Variants in LIMK2 observed in about 807,000 individuals in gnomAD.
The protein encoded by LIMK2 is LIM domain kinase 2.
A neutral mutation model predicts 75.7 loss-of-function variants in LIMK2; 35 were observed. That is an observed-to-expected ratio of 0.46 (90% CI 0.35 to 0.61). LIMK2 has a LOEUF of 0.61. Ranked by LOEUF, LIMK2 falls within the 20% of genes least tolerant of loss-of-function variation. The probability of loss-of-function intolerance (pLI) is 0.00; values close to 1 mark genes in which losing one functional copy is unlikely to be tolerated. For missense variants in LIMK2, 623 were observed against 831.0 expected, an observed-to-expected ratio of 0.75 and a Z score of 3.08; for synonymous variants, 301 against 319.2, an observed-to-expected ratio of 0.94 and a Z score of 0.61.
At chr22:31,215,292 C>G (rs1431716118) in intron 1 of LIMK2, among the ~76,000 whole-genome samples, 1 of 152,214 alleles carries the variant, frequency 6.6e-6, no homozygotes, top group East Asian at 1.9e-4. Flanking sequence ...ACTTGTTATT[C>G]CATTCAAACC....
intron 2 of LIMK2, among the ~76,000 whole-genome samples, chr22:31,249,520 C>G (rs755791095): frequency 6.6e-6 from 1 of 152,166 alleles, no homozygotes; most frequent in Admixed American, 6.5e-5. Context: ...CTCATTGCCC[C>G]ACTCCACCTC....
chr22:31,225,669 C>G (rs772030298), intron 1 of LIMK2, 51 bp from the exon 2 acceptor site: 122 of 1,357,140 alleles, frequency 9.0e-5, no homozygotes, highest in Non-Finnish European at 1.2e-4. Flanking sequence ...GAATCCTGTC[C>G]CTTTGCCTCC....
chr22:31,259,429 T>A (rs145124889), intron 4 of LIMK2, among the ~76,000 whole-genome samples, 199 bp downstream of exon 4: 50 of 152,254 alleles, frequency 3.3e-4, no homozygotes, highest in Non-Finnish European at 5.4e-4. Flanking sequence ...CTTACCAACC[T>A]TGAAAATGTC....
intron 1 of LIMK2, among the ~76,000 whole-genome samples, chr22:31,221,639 C>T (rs1256467377): frequency 6.6e-6 from 1 of 152,058 alleles, no homozygotes; most frequent in East Asian, 1.9e-4. Context: ...CGCCCACCAC[C>T]ATGCCTGGCT....
intron 2 of LIMK2, among the ~76,000 whole-genome samples, chr22:31,256,404 G>A (rs1288766371): frequency 6.7e-6 from 1 of 149,586 alleles, no homozygotes; most frequent in Non-Finnish European, 1.5e-5. Flanking sequence ...GCAGTGGCGT[G>A]ATCTCGACTC....
chr22:31,258,393 TG>T lies in LIMK2; in HGVS notation c.222del (p.Cys75AlafsTer4), dbSNP rs2048806201. On this transcript the variant is annotated frameshift_variant, in exon 3 of 16. Transcript: ENST00000331728. LOFTEE classifies it high-confidence loss of function. ...GGGGGAAGTTTGGGGAGTTCTGTCA[TG>T]GGTGCTCCCTGCTGATGACAGGGCC... The part of the protein sequence containing the change: ...YWGKFGEFCH[G>X]CSLLMTGPFM... 1 of 1,614,040 alleles carries T rather than the reference TG, an allele frequency of 6.2e-7. No homozygotes were observed. Among genetic ancestry groups the T allele is most frequent in the South Asian group, 1.1e-5 (1 of 91,082 alleles).
chr22:31,272,959 A>G, intron 13 of LIMK2: 1 of 1,252,730 alleles, frequency 8.0e-7, no homozygotes, highest in East Asian at 3.3e-5. Flanking sequence ...GATCGCTAAG[A>G]GCTCAGGCTA....
intron 1 of LIMK2, among the ~76,000 whole-genome samples, chr22:31,223,916 C>T (rs1249996086): frequency 6.6e-6 from 1 of 152,112 alleles, no homozygotes; most frequent in Non-Finnish European, 1.5e-5. Context: ...CTCTGGGGAA[C>T]GAGGGGGACA....
rs772247081 is a variant in LIMK2 at position 31,262,803 on chromosome 22, C to G, written c.854+12C>G. The stretch of plus-strand genomic sequence containing the variant: ...AGACGTTCCCTAAGGTGCCACCTCC[C>G]ACCCTGGCTCTGTTCTGTCCTATGT... On this transcript the variant is annotated intron_variant, in intron 7 of 15. Coordinates refer to ENST00000331728, the MANE Select transcript of LIMK2 (RefSeq NM_005569.4). The surrounding 1 kb of genome is among the most constrained non-coding windows in gnomAD (Gnocchi z 5.0). 1.3e-5 allele frequency: 20 copies of G among 1,574,098 alleles called. No individual in the cohort carries two copies. The South Asian group carries it at 2.3e-4, about 18-fold the overall frequency.
At chr22:31,253,373 G>C (rs2048744948) in intron 2 of LIMK2, among the ~76,000 whole-genome samples, 1 of 152,244 alleles carries the variant, frequency 6.6e-6, no homozygotes. Context: ...TCTGAGGTGG[G>C]ACATGTTCGA....
At position 31,262,832 on chromosome 22, in the gene LIMK2, T is replaced by C; in HGVS notation, c.854+41T>C. 1 of 1,466,658 alleles carries C rather than the reference T, an allele frequency of 6.8e-7. No individual in the cohort carries two copies. The allele number at this position is 1,466,658 out of a possible 1,614,324, so 90.9% of individuals were successfully genotyped here. A position where few individuals can be genotyped will look rare whatever the true frequency, so the allele number is the denominator to read the frequency against. ...CTGGCTCTGTTCTGTCCTATGTCTG[T>C]CTCTCGGATGAAGCTGAGCTGGCTT... On this transcript the variant is annotated intron_variant, in intron 7 of 15. Coordinates refer to ENST00000331728, the MANE Select transcript of LIMK2 (RefSeq NM_005569.4). This position sits in a 1 kb window ranked among gnomAD's most constrained non-coding sequence, Gnocchi z 5.0.
At position 31,259,911 on chromosome 22, in the gene LIMK2, G is replaced by C; in HGVS notation, c.385G>C (p.Val129Leu). 1 of 1,608,832 alleles carries C rather than the reference G, an allele frequency of 6.2e-7. No individual in the cohort carries two copies. Among genetic ancestry groups the C allele is most frequent in the Non-Finnish European group, 8.5e-7 (1 of 1,178,578 alleles). Residue 129 changes from valine to leucine, a missense_variant, in exon 5 of 16, where the codon GTG (valine) becomes CTG (leucine). Physicochemically the swap from Val to Leu is conservative, Grantham distance 32. Around this residue, in one of 3 missense-constraint regions of LIMK2, gnomAD observed 514 missense variants for 661.3 expected, o/e 0.78. Transcript: ENST00000331728. ...CAGTGGGAAGTGCCACAATGAGGTG[G>C]TGCTGGCACCCATGTTTGAGAGACT... ...LYCGKCHNEV[V>L]LAPMFERLST...
Position 31,246,179 on chromosome 22 carries a change from GCACGCACA to G in LIMK2, c.117-12108_117-12101del, listed in dbSNP as rs1460046137. Among the ~76,000 whole-genome samples the G allele has an allele frequency of 3.8e-3, 264 of 69,808 alleles. 1 individual carries two copies. Among genetic ancestry groups the G allele is most frequent in the African/African-American group, 0.013 (249 of 19,004 alleles). The allele number at this position is 69,808 out of a possible 152,430, so 45.8% of individuals were successfully genotyped here. On this transcript the variant is annotated intron_variant, in intron 2 of 15. Coordinates refer to ENST00000331728, the MANE Select transcript of LIMK2 (RefSeq NM_005569.4). ...CAGAGCGAGACTCCGACACACGCAC[GCACGCACA>G]CACACACACACACACACACACACAC...
chr22:31,218,974 A>G (rs1285096470), intron 1 of LIMK2, among the ~76,000 whole-genome samples: 1 of 152,204 alleles, frequency 6.6e-6, no homozygotes, highest in African/African-American at 2.4e-5. Context: ...TTGAAGCCTA[A>G]AAAGGACTCA....
At chr22:31,278,192 C>T in intron 15 of LIMK2, 105 bp from the exon 16 acceptor site, 1 of 983,658 alleles carries the variant, frequency 1.0e-6, no homozygotes. Flanking sequence ...AAGGAGTTTG[C>T]CTGACGTTAT....
chr22:31,243,401 G>C (rs1033239308), intron 2 of LIMK2, among the ~76,000 whole-genome samples: 1 of 152,204 alleles, frequency 6.6e-6, no homozygotes, highest in African/African-American at 2.4e-5. Flanking sequence ...CCAGCCAATA[G>C]AGGGCTTCAC....
chr22:31,219,546 T>G (rs2048416198), intron 1 of LIMK2, among the ~76,000 whole-genome samples: 1 of 152,094 alleles, frequency 6.6e-6, no homozygotes. Flanking sequence ...TAAATCAAGC[T>G]CCTTTTCTGG....
At chr22:31,228,508 T>C (rs551769131) in intron 2 of LIMK2, among the ~76,000 whole-genome samples, 3 of 152,230 alleles carry the variant, frequency 2.0e-5, no homozygotes, top group Admixed American at 6.5e-5. Flanking sequence ...TAGCCTTAAG[T>C]GACTTCCCTG....
intron 1 of LIMK2, among the ~76,000 whole-genome samples, 160 bp downstream of exon 1, chr22:31,212,584 C>A (rs980941569): frequency 6.6e-6 from 1 of 151,906 alleles, no homozygotes; most frequent in African/African-American, 2.4e-5. Context: ...GCACAGCGCT[C>A]CCCAGGCATT....
Sources: gnomAD v4.1 joint callset for allele counts (sites outside exome capture counted in the v4.1 genomes callset) on GRCh38, gnomAD v4.1.1 for gene constraint, gnomAD v4.1.1 regional missense constraint, Gnocchi (gnomAD v3.1) non-coding constraint, MANE v1.5 for transcripts, NCBI Gene and HGNC (gene_info 2026-07-23, HGNC 2026-07-21) for gene names.